Variants in LRRC37A2 observed in about 807,000 individuals in gnomAD.
The protein encoded by LRRC37A2 is leucine rich repeat containing 37 member A2, also known as leucine-rich repeat-containing protein 37A2.
Under a neutral mutation model 68.8 loss-of-function variants are expected in LRRC37A2, and 9 were observed. The ratio of observed to expected loss-of-function variants is 0.13; its 90% CI spans 0.08 to 0.23. The LOEUF is 0.23. Among genes scored for constraint, LRRC37A2 ranks in the 10% least tolerant of loss-of-function variants. The probability of loss-of-function intolerance (pLI) is 1.00; values close to 1 mark genes in which losing one functional copy is unlikely to be tolerated. For missense variants in LRRC37A2, 168 were observed against 950.4 expected, an observed-to-expected ratio of 0.18 and a Z score of 10.82; for synonymous variants, 63 against 367.6, an observed-to-expected ratio of 0.17 and a Z score of 9.48.
At chr17:46,887,552 G>A in the LRRC37A2 span, among the ~76,000 whole-genome samples, 1 of 152,110 alleles carries the variant, frequency 6.6e-6, no homozygotes, top group Admixed American at 6.5e-5. Context: ...ATCATCTGAG[G>A]TCAGGAGTTT....
chr17:46,905,541 A>T, the LRRC37A2 span, among the ~76,000 whole-genome samples: 6 of 152,214 alleles, frequency 3.9e-5, no homozygotes, highest in Admixed American at 3.9e-4. Flanking sequence ...ACACATGAAG[A>T]AGAGAGCAAG....
chr17:46,958,569 C>A, the LRRC37A2 span, among the ~76,000 whole-genome samples: 1 of 152,184 alleles, frequency 6.6e-6, no homozygotes, highest in Non-Finnish European at 1.5e-5. Context: ...TTTTGAGCTG[C>A]TTAGAGGCCT....
the LRRC37A2 span, among the ~76,000 whole-genome samples, chr17:46,859,402 T>C: frequency 6.6e-6 from 1 of 152,242 alleles, no homozygotes; most frequent in Non-Finnish European, 1.5e-5. Flanking sequence ...TTTGTTGAAA[T>C]GATGATGTTT....
chr17:46,418,234 T>TGTGC, the LRRC37A2 span, among the ~76,000 whole-genome samples: 57 of 66,828 alleles, frequency 8.5e-4, 2 homozygotes, highest in Non-Finnish European at 1.8e-3. Flanking sequence ...TGTGTGTGTG[T>TGTGC]GCGCGCGCGC....
chr17:46,874,375 C>T, the LRRC37A2 span, among the ~76,000 whole-genome samples: 1 of 152,262 alleles, frequency 6.6e-6, no homozygotes, highest in East Asian at 1.9e-4. Flanking sequence ...TGGGCCCATC[C>T]AAATGGTCAT....
At chr17:46,978,707 A>G in the LRRC37A2 span, 24 of 1,612,122 alleles carry the variant, frequency 1.5e-5, no homozygotes, top group Admixed American at 3.3e-5. Context: ...TGCACCAGAA[A>G]GTTGATCATG....
At chr17:46,743,308 C>T in the LRRC37A2 span, among the ~76,000 whole-genome samples, 1 of 152,140 alleles carries the variant, frequency 6.6e-6, no homozygotes, top group African/African-American at 2.4e-5. Flanking sequence ...ATTCCTGACA[C>T]CACAGGCAGA....
the LRRC37A2 span, among the ~76,000 whole-genome samples, chr17:47,028,732 A>T: frequency 6.6e-6 from 1 of 151,566 alleles, no homozygotes; most frequent in Non-Finnish European, 1.5e-5. Flanking sequence ...ACATAGTGAA[A>T]CCCTGTCCCT....
At chr17:46,815,275 G>T in the LRRC37A2 span, among the ~76,000 whole-genome samples, 2 of 152,090 alleles carry the variant, frequency 1.3e-5, no homozygotes, top group Non-Finnish European at 2.9e-5. Context: ...TTCCTGTCCC[G>T]GCTCTGTCAC....
chr17:47,017,346 A>G, the LRRC37A2 span: 2 of 1,593,168 alleles, frequency 1.3e-6, no homozygotes, highest in South Asian at 2.2e-5. Context: ...GCTGACCTCT[A>G]ACCCCCTGGG....
At chr17:46,882,769 A>G in the LRRC37A2 span, among the ~76,000 whole-genome samples, 1 of 152,158 alleles carries the variant, frequency 6.6e-6, no homozygotes, top group Non-Finnish European at 1.5e-5. Flanking sequence ...GGCACGTGAC[A>G]GGGTCCTAGA....
the LRRC37A2 span, among the ~76,000 whole-genome samples, chr17:46,985,651 G>T: frequency 6.6e-6 from 1 of 152,118 alleles, no homozygotes; most frequent in African/African-American, 2.4e-5. Flanking sequence ...GTGACATGGA[G>T]CTCACAACCC....
chr17:46,768,413 C>A, the LRRC37A2 span: 7 of 1,613,990 alleles, frequency 4.3e-6, no homozygotes, highest in Non-Finnish European at 5.9e-6. This position sits in a 1 kb window ranked among gnomAD's most constrained non-coding sequence, Gnocchi z 5.0. Flanking sequence ...TTTCCTTCCG[C>A]TTCTCCGTCC....
the LRRC37A2 span, among the ~76,000 whole-genome samples, chr17:46,960,174 G>A: frequency 6.6e-6 from 1 of 152,074 alleles, no homozygotes; most frequent in Non-Finnish European, 1.5e-5. Flanking sequence ...AAGAAAACAA[G>A]CAACCCAACT....
the LRRC37A2 span, among the ~76,000 whole-genome samples, chr17:46,735,309 G>A: frequency 6.6e-6 from 1 of 152,076 alleles, no homozygotes; most frequent in Non-Finnish European, 1.5e-5. Flanking sequence ...TTGCTAGAAT[G>A]TATTCTTCCA....
chr17:46,548,554 C>G (rs749300602), exon 10 of LRRC37A2: 1 of 1,494,292 alleles, frequency 6.7e-7, no homozygotes, highest in Non-Finnish European at 9.1e-7. Context: ...ATCACTGTTA[C>G]TACCGTTCAT....
intron 6 of LRRC37A2, among the ~76,000 whole-genome samples, chr17:46,531,986 G>A (rs950961451): frequency 1.4e-5 from 2 of 147,978 alleles, no homozygotes; most frequent in African/African-American, 5.2e-5. Context: ...TCTTATAATC[G>A]TGTGAGATGT....
At chr17:46,806,294 T>A in the LRRC37A2 span, among the ~76,000 whole-genome samples, 1 of 143,910 alleles carries the variant, frequency 6.9e-6, no homozygotes, top group African/African-American at 2.5e-5. Context: ...TCACCGCAAC[T>A]TCAGCCCTCG....
chr17:46,788,745 A>G, the LRRC37A2 span, among the ~76,000 whole-genome samples: 1 of 147,212 alleles, frequency 6.8e-6, no homozygotes, highest in South Asian at 2.1e-4. Flanking sequence ...CCCTGCGAGG[A>G]CCTCCCTGCG....
Sources: allele counts gnomAD v4.1 joint callset (sites outside exome capture counted in the v4.1 genomes callset), GRCh38; gene constraint gnomAD v4.1.1; non-coding constraint Gnocchi (gnomAD v3.1); transcripts MANE v1.5; gene names NCBI Gene and HGNC (gene_info 2026-07-23, HGNC 2026-07-21).